Variants in TMEM232 observed in about 807,000 individuals in gnomAD.
The protein encoded by TMEM232 is transmembrane protein 232.
Under a neutral mutation model 78.8 loss-of-function variants are expected in TMEM232, and 80 were observed. The observed-to-expected ratio is 1.01, with a 90% CI of 0.85 to 1.22. The LOEUF (loss-of-function observed/expected upper bound fraction) is 1.22, where lower values mean the gene tolerates loss of function less well. Ranked by LOEUF, TMEM232 falls within the 50% of genes most tolerant of loss-of-function variation. TMEM232 has a pLI of 0.00. For synonymous variants in TMEM232, 297 were observed against 254.3 expected (o/e 1.17, Z -1.60); for missense variants, 881 against 742.2 (o/e 1.19, Z -2.17).
chr5:110,550,363 C>T (rs1482483170), intron 11 of TMEM232, among the ~76,000 whole-genome samples: 5 of 151,966 alleles, frequency 3.3e-5, no homozygotes, highest in East Asian at 1.9e-4. Context: ...ATGAGACTCA[C>T]GTAAAACATA....
chr5:110,536,255 C>A (rs1346163081), intron 11 of TMEM232, among the ~76,000 whole-genome samples: 1 of 152,212 alleles, frequency 6.6e-6, no homozygotes, highest in Non-Finnish European at 1.5e-5. Flanking sequence ...TGCCACCACC[C>A]AGTTCTAGTA....
At chr5:110,670,602 C>T (rs1027138516) in intron 1 of TMEM232, among the ~76,000 whole-genome samples, 1 of 151,964 alleles carries the variant, frequency 6.6e-6, no homozygotes, top group African/African-American at 2.4e-5. Flanking sequence ...CCACATGCAT[C>T]AGAATGTAAA....
chr5:110,469,841 G>A (rs1215374244), intron 12 of TMEM232, among the ~76,000 whole-genome samples: 2 of 152,174 alleles, frequency 1.3e-5, no homozygotes, highest in Non-Finnish European at 2.9e-5. Context: ...TGTAGTGGCT[G>A]AGCTGAGACA....
intron 12 of TMEM232, among the ~76,000 whole-genome samples, chr5:110,525,166 A>C (rs1770385380): frequency 6.6e-6 from 1 of 151,556 alleles, no homozygotes; most frequent in Non-Finnish European, 1.5e-5. Context: ...TCGTAACAAT[A>C]AGAAAAAAAA....
At chr5:110,584,644 T>C (rs1778598942) in intron 10 of TMEM232, among the ~76,000 whole-genome samples, 1 of 152,106 alleles carries the variant, frequency 6.6e-6, no homozygotes, top group Non-Finnish European at 1.5e-5. Flanking sequence ...TCTGTGAACA[T>C]ATTATGTTAC....
intron 1 of TMEM232, among the ~76,000 whole-genome samples, chr5:110,692,749 G>C (rs1055185541): frequency 2.0e-5 from 3 of 152,190 alleles, no homozygotes; most frequent in African/African-American, 7.2e-5. Flanking sequence ...AGCAAGGCTG[G>C]GGGAGGGGTG....
chr5:110,472,550 A>G (rs561662008), intron 12 of TMEM232, among the ~76,000 whole-genome samples: 1 of 152,086 alleles, frequency 6.6e-6, no homozygotes, highest in East Asian at 1.9e-4. Flanking sequence ...AAAAATAGGG[A>G]TCCTAAAATT....
chr5:110,404,743 T>C (rs1178745966), intron 2 of TMEM232, among the ~76,000 whole-genome samples: 1 of 152,096 alleles, frequency 6.6e-6, no homozygotes, highest in Non-Finnish European at 1.5e-5. Flanking sequence ...AAAGCCTTGA[T>C]GAACTGAATT....
Position 110,627,842 on chromosome 5 carries a change from G to GA in TMEM232, c.539dup (p.Leu181ProfsTer9), listed in dbSNP as rs1784616031. 2.0e-6 allele frequency: 3 copies of GA among 1,537,318 alleles called. No homozygotes were observed. Among genetic ancestry groups the GA allele is most frequent in the African/African-American group, 2.8e-5 (2 of 72,018 alleles). On this transcript the variant is annotated frameshift_variant, in exon 6 of 14. Transcript: ENST00000455884. LOFTEE classifies it high-confidence loss of function. ...TAAAACTTTCTAGATGACCATGCAG[G>GA]AAAAATATAAAAAGTCGTAAGAAGA...
chr5:110,735,037 T>C (rs1799017954), intron 1 of TMEM232: 1 of 152,126 alleles, frequency 6.6e-6, no homozygotes, highest in African/African-American at 2.4e-5. Flanking sequence ...ATAAATAAAA[T>C]AGTGTATAGT....
intron 12 of TMEM232, among the ~76,000 whole-genome samples, chr5:110,501,410 T>C (rs191326633): frequency 1.3e-5 from 2 of 152,098 alleles, no homozygotes; most frequent in Admixed American, 1.3e-4. Flanking sequence ...TTTATCCTTA[T>C]AATGTTATAT....
chr5:110,608,459 T>G (rs1014188021), intron 8 of TMEM232, among the ~76,000 whole-genome samples: 10 of 151,906 alleles, frequency 6.6e-5, no homozygotes, highest in African/African-American at 2.4e-4. Context: ...TACGGTCAAT[T>G]AAAAGAGAGG....
rs890045769 is a variant in TMEM232, at chr5:110,533,676, G to A, written c.1456-4841C>T. Among the ~76,000 whole-genome samples, 9 of 152,128 alleles carry A rather than the reference G, an allele frequency of 5.9e-5. No homozygotes were observed. The South Asian group carries it at 1.0e-3, about 18-fold the overall frequency. ...CCACAATTACCATTGTTCCTGGCCC[G>A]GACTTCAATCTGGCCTCCCACATTA... On this transcript the variant is annotated intron_variant, in intron 11 of 13. Coordinates refer to ENST00000455884, the MANE Select transcript of TMEM232 (RefSeq NM_001039763.4).
downstream of TMEM232, among the ~76,000 whole-genome samples, chr5:110,416,102 AAT>A (rs2112590741): frequency 6.6e-6 from 1 of 152,362 alleles, no homozygotes; most frequent in South Asian, 2.1e-4. Flanking sequence ...AAACTATACA[AAT>A]ATATAAATGT....
intron 2 of TMEM232, among the ~76,000 whole-genome samples, chr5:110,401,451 C>G (rs1297789310): frequency 6.6e-6 from 1 of 151,998 alleles, no homozygotes; most frequent in Non-Finnish European, 1.5e-5. Context: ...TCGACATACC[C>G]TCCTGAGCTA....
Position 110,691,558 on chromosome 5 carries a change from T to C in TMEM232, c.-12-24194A>G, listed in dbSNP as rs1343912464. 2.6e-5 allele frequency among the ~76,000 whole-genome samples: 4 copies of C among 152,338 alleles called. No homozygotes were observed. The South Asian group carries it at 6.2e-4, about 24-fold the overall frequency. On this transcript the variant is annotated intron_variant, in intron 1 of 13. Transcript: ENST00000455884. Reference sequence around the variant, plus strand: ...CCAAGATGGCTTCAGGTTAGCCATATGCATAATAAAAACTAGGCCTACATA... The same window carrying C: ...CCAAGATGGCTTCAGGTTAGCCATACGCATAATAAAAACTAGGCCTACATA...
chr5:110,684,058 T>C (rs1436270033), intron 1 of TMEM232, among the ~76,000 whole-genome samples: 3 of 151,894 alleles, frequency 2.0e-5, no homozygotes, highest in African/African-American at 7.2e-5. Context: ...TAAGAACAGT[T>C]CTCCTTATTT....
chr5:110,597,080 T>C (rs1306703420), intron 10 of TMEM232, among the ~76,000 whole-genome samples: 1 of 152,172 alleles, frequency 6.6e-6, no homozygotes, highest in African/African-American at 2.4e-5. Context: ...AAATTGTCCC[T>C]GTTTGCAGAC....
At chr5:110,720,036 A>T (rs1224620429) in intron 1 of TMEM232, among the ~76,000 whole-genome samples, 1 of 152,116 alleles carries the variant, frequency 6.6e-6, no homozygotes, top group Non-Finnish European at 1.5e-5. Flanking sequence ...GTTGCTCTTA[A>T]TTTAGAGAAG....
Sources: gnomAD v4.1 joint callset for allele counts (sites outside exome capture counted in the v4.1 genomes callset) on GRCh38, gnomAD v4.1.1 for gene constraint, MANE v1.5 for transcripts, NCBI Gene and HGNC (gene_info 2026-07-23, HGNC 2026-07-21) for gene names.